Variants in CMTM8 observed in about 807,000 individuals in gnomAD.
CMTM8 encodes the protein CKLF like MARVEL transmembrane domain containing 8, also known as CKLF-like MARVEL transmembrane domain-containing protein 8.
A neutral mutation model predicts 18.6 loss-of-function variants in CMTM8; 12 were observed. The observed-to-expected ratio is 0.65, with a 90% CI of 0.41 to 1.05. The LOEUF is 1.05. Ranked by LOEUF, CMTM8 falls within the 50% of genes least tolerant of loss-of-function variation. The probability of loss-of-function intolerance (pLI) is 0.00; values close to 1 mark genes in which losing one functional copy is unlikely to be tolerated. For missense variants in CMTM8, 217 were observed against 227.2 expected, an observed-to-expected ratio of 0.95 and a Z score of 0.29; for synonymous variants, 87 against 90.6, an observed-to-expected ratio of 0.96 and a Z score of 0.23.
At chr3:32,280,554 T>C (rs989708133) in intron 1 of CMTM8, among the ~76,000 whole-genome samples, 2 of 152,252 alleles carry the variant, frequency 1.3e-5, no homozygotes. Flanking sequence ...CTCTAGAAGG[T>C]ATTTAAACCC....
chr3:32,291,382 C>T (rs1253579917), intron 1 of CMTM8, among the ~76,000 whole-genome samples: 2 of 151,956 alleles, frequency 1.3e-5, no homozygotes, highest in Non-Finnish European at 2.9e-5. Flanking sequence ...CCTCGTGATC[C>T]GCCCGCCTCG....
intron 1 of CMTM8, among the ~76,000 whole-genome samples, chr3:32,291,766 C>T (rs1396880461): frequency 6.6e-6 from 1 of 152,160 alleles, no homozygotes; most frequent in East Asian, 1.9e-4. Flanking sequence ...CAGCACCTGC[C>T]TAGTGTATGG....
chr3:32,324,921 G>C (rs1020580371), intron 1 of CMTM8, among the ~76,000 whole-genome samples: 3 of 152,260 alleles, frequency 2.0e-5, no homozygotes, highest in African/African-American at 7.2e-5. Context: ...GAAGAGCAGA[G>C]TTATGTTAAG....
chr3:32,270,067 C>A (rs1702413282), intron 1 of CMTM8, among the ~76,000 whole-genome samples: 2 of 151,504 alleles, frequency 1.3e-5, no homozygotes, highest in African/African-American at 2.4e-5. Flanking sequence ...AGCCATTGTA[C>A]CAAGCTACCT....
chr3:32,310,722 T>C (rs1192189270), intron 1 of CMTM8, among the ~76,000 whole-genome samples: 2 of 149,012 alleles, frequency 1.3e-5, no homozygotes, highest in Non-Finnish European at 3.0e-5. Flanking sequence ...AACTAGGAAA[T>C]ACTCTGACTT....
At chr3:32,300,603 T>C (rs935495407) in intron 1 of CMTM8, among the ~76,000 whole-genome samples, 3 of 152,196 alleles carry the variant, frequency 2.0e-5, no homozygotes, top group African/African-American at 7.2e-5. Context: ...CCAATAAAAC[T>C]TTATTTAGAG....
intron 2 of CMTM8, among the ~76,000 whole-genome samples, chr3:32,362,965 T>A (rs1370521117): frequency 1.3e-5 from 2 of 152,244 alleles, no homozygotes; most frequent in Non-Finnish European, 2.9e-5. Flanking sequence ...ACAGTCAATT[T>A]CTAAATGACT....
intron 1 of CMTM8, among the ~76,000 whole-genome samples, chr3:32,347,029 A>G (rs1696608546): frequency 6.6e-6 from 1 of 151,248 alleles, no homozygotes; most frequent in Admixed American, 6.6e-5. Context: ...GAGTCTTCCT[A>G]TGTTGCCCAG....
chr3:32,318,858 C>T (rs574672677), intron 1 of CMTM8, among the ~76,000 whole-genome samples: 17 of 151,328 alleles, frequency 1.1e-4, no homozygotes, highest in African/African-American at 3.4e-4. Context: ...TGAGCCACCG[C>T]GCCCGGCTAG....
At chr3:32,345,434 TTCTATAGC>T (rs998114702) in intron 1 of CMTM8, among the ~76,000 whole-genome samples, 112 of 152,322 alleles carry the variant, frequency 7.4e-4, no homozygotes, top group African/African-American at 2.5e-3. Context: ...AGCACTTTCC[TTCTATAGC>T]ACAAGGCAGC....
chr3:32,347,451 A>T (rs1696623397), intron 1 of CMTM8, among the ~76,000 whole-genome samples: 1 of 151,204 alleles, frequency 6.6e-6, no homozygotes, highest in African/African-American at 2.4e-5. Flanking sequence ...CCGGCACAGC[A>T]CTCAACTGTG....
chr3:32,259,737 T>C, intron 1 of CMTM8: 1 of 983,924 alleles, frequency 1.0e-6, no homozygotes. Flanking sequence ...TGAGAGGAGC[T>C]GGACAAGTAC....
intron 1 of CMTM8, among the ~76,000 whole-genome samples, chr3:32,326,222 A>ATCTTGAAGATGTGCCAACTCT (rs1325967530): frequency 6.6e-6 from 1 of 152,164 alleles, no homozygotes; most frequent in Non-Finnish European, 1.5e-5. Context: ...GGCAAAGGAG[A>ATCTTGAAGATGTGCCAACTCT]TCTTGAAGAT....
At chr3:32,286,500 A>G (rs1272614788) in intron 1 of CMTM8, among the ~76,000 whole-genome samples, 1 of 152,166 alleles carries the variant, frequency 6.6e-6, no homozygotes. Context: ...CCACAAAACC[A>G]GATCTGTGCA....
chr3:32,284,359 T>C (rs1304290662), intron 1 of CMTM8, among the ~76,000 whole-genome samples: 1 of 151,474 alleles, frequency 6.6e-6, no homozygotes, highest in Non-Finnish European at 1.5e-5. Flanking sequence ...AGTGAGGGAG[T>C]CTTGAGAGTT....
intron 1 of CMTM8, among the ~76,000 whole-genome samples, chr3:32,313,178 C>T (rs1695852616): frequency 6.6e-6 from 1 of 152,056 alleles, no homozygotes; most frequent in South Asian, 2.1e-4. Flanking sequence ...CCTGGTGAAA[C>T]CCCACCTTAA....
chr3:32,269,027 A>C (rs553712976), intron 1 of CMTM8, among the ~76,000 whole-genome samples: 1 of 152,256 alleles, frequency 6.6e-6, no homozygotes, highest in African/African-American at 2.4e-5. Flanking sequence ...AGAAATCTAC[A>C]TCAATCAATA....
intron 1 of CMTM8, among the ~76,000 whole-genome samples, chr3:32,243,243 A>C (rs1413106080): frequency 6.6e-6 from 1 of 151,046 alleles, no homozygotes; most frequent in African/African-American, 2.4e-5. Flanking sequence ...ACATTTATAC[A>C]TTGTTGGTCA....
chr3:32,274,435 G>A (rs1702485536), intron 1 of CMTM8, among the ~76,000 whole-genome samples: 1 of 152,126 alleles, frequency 6.6e-6, no homozygotes, highest in African/African-American at 2.4e-5. Context: ...GCTAAGAAAA[G>A]TTGTAAGGAC....
Sources: gnomAD v4.1 joint callset for allele counts (sites outside exome capture counted in the v4.1 genomes callset) on GRCh38, gnomAD v4.1.1 for gene constraint, MANE v1.5 for transcripts, NCBI Gene and HGNC (gene_info 2026-07-23, HGNC 2026-07-21) for gene names.